The following LRRC69 variants were observed in gnomAD, a reference collection of about 807,000 sequenced individuals.
LRRC69 encodes the protein leucine-rich repeat-containing protein 69.
Under a neutral mutation model 37.8 loss-of-function variants are expected in LRRC69, and 42 were observed. That is an observed-to-expected ratio of 1.11 (90% CI 0.87 to 1.44). LRRC69 has a LOEUF of 1.44. Among genes scored for constraint, LRRC69 ranks in the 40% most tolerant of loss-of-function variants. The pLI is 0.00. For synonymous variants in LRRC69, 141 were observed against 143.1 expected (o/e 0.99, Z 0.11); for missense variants, 357 against 401.9 (o/e 0.89, Z 0.96).
chr8:91,212,966 G>A (rs973333439), intron 7 of LRRC69, among the ~76,000 whole-genome samples: 4 of 151,962 alleles, frequency 2.6e-5, no homozygotes, highest in African/African-American at 7.3e-5. Context: ...TTACCCTTTC[G>A]GAGAACTCTC....
intron 5 of LRRC69, among the ~76,000 whole-genome samples, chr8:91,154,722 C>G (rs1808802257): frequency 6.6e-6 from 1 of 151,688 alleles, no homozygotes; most frequent in African/African-American, 2.4e-5. Flanking sequence ...TGGAACATAT[C>G]TCAAAATAAT....
rs4324887 is a variant in LRRC69, at chr8:91,216,143, G to A, written c.934-2747G>A. ...AGAATAATCACCTTCAAAGTTTCAT[G>A]TTCACTATAAAACTAACAACGGGCA... On this transcript the variant is annotated intron_variant, in intron 7 of 7. Coordinates refer to ENST00000448384, the Ensembl canonical transcript of LRRC69. 0.014 allele frequency among the ~76,000 whole-genome samples: 2,199 copies of A among 152,212 alleles called. 126 individuals are homozygous for A. In the East Asian group the frequency reaches 0.21, roughly 15 times the overall value.
intron 5 of LRRC69, among the ~76,000 whole-genome samples, chr8:91,142,163 AGAT>A (rs1349159638): frequency 6.6e-6 from 1 of 152,022 alleles, no homozygotes; most frequent in African/African-American, 2.4e-5. Flanking sequence ...TTGAAGAAAA[AGAT>A]GACCTGACAA....
chr8:91,190,948 C>T (rs911291876), intron 6 of LRRC69, among the ~76,000 whole-genome samples: 1 of 151,376 alleles, frequency 6.6e-6, no homozygotes, highest in Non-Finnish European at 1.5e-5. Context: ...CTCAGCTACT[C>T]AGGAGGCTTG....
At chr8:91,208,447 A>G (rs1302539642) in intron 7 of LRRC69, among the ~76,000 whole-genome samples, 2 of 152,200 alleles carry the variant, frequency 1.3e-5, no homozygotes, top group Admixed American at 1.3e-4. Flanking sequence ...GCAAATGAGA[A>G]TGAAAAGAAA....
At chr8:91,201,947 T>C (rs1290868358) in intron 7 of LRRC69, among the ~76,000 whole-genome samples, 1 of 152,170 alleles carries the variant, frequency 6.6e-6, no homozygotes, top group Non-Finnish European at 1.5e-5. Context: ...GGCTCACACC[T>C]GTAATCCCAG....
intron 5 of LRRC69, among the ~76,000 whole-genome samples, chr8:91,151,117 C>A (rs1338660232): frequency 6.6e-6 from 1 of 151,618 alleles, no homozygotes; most frequent in Non-Finnish European, 1.5e-5. Flanking sequence ...TTATTTCTTG[C>A]CTTCTGCTAG....
At chr8:91,135,033 G>T (rs1813884980) in intron 4 of LRRC69, among the ~76,000 whole-genome samples, 1 of 152,026 alleles carries the variant, frequency 6.6e-6, no homozygotes, top group South Asian at 2.1e-4. Flanking sequence ...TGCAAGAGTC[G>T]ACAGCAACGG....
chr8:91,154,930 A>G (rs377528488), intron 5 of LRRC69, among the ~76,000 whole-genome samples: 19 of 151,694 alleles, frequency 1.3e-4, no homozygotes, highest in African/African-American at 4.6e-4. Flanking sequence ...AGGAAATCAA[A>G]TTGTCTCTGT....
intron 5 of LRRC69, among the ~76,000 whole-genome samples, chr8:91,145,101 T>G (rs1808595145): frequency 6.6e-6 from 1 of 151,938 alleles, no homozygotes; most frequent in Non-Finnish European, 1.5e-5. Context: ...AAAAATGTCC[T>G]TAAGTGGTCC....
chr8:91,211,855 GT>G (rs935584328), intron 7 of LRRC69, among the ~76,000 whole-genome samples: 5 of 151,832 alleles, frequency 3.3e-5, no homozygotes, highest in Non-Finnish European at 7.4e-5. Flanking sequence ...TGATAAATGG[GT>G]CTTTATTCTC....
chr8:91,166,742 G>C (rs1034333365), intron 5 of LRRC69, among the ~76,000 whole-genome samples: 1 of 151,758 alleles, frequency 6.6e-6, no homozygotes, highest in Non-Finnish European at 1.5e-5. Flanking sequence ...CTATTTTAGA[G>C]TGCAAGTTCC....
At chr8:91,210,562 G>GACACACACACACACACACACAC (rs35968986) in intron 7 of LRRC69, among the ~76,000 whole-genome samples, 9 of 146,100 alleles carry the variant, frequency 6.2e-5, no homozygotes, top group African/African-American at 2.0e-4. Context: ...CACACACACA[G>GACACACACACACACACACACAC]ACACACACAC....
chr8:91,150,968 T>C (rs1192419404), intron 5 of LRRC69, among the ~76,000 whole-genome samples: 1 of 151,986 alleles, frequency 6.6e-6, no homozygotes, highest in Non-Finnish European at 1.5e-5. Flanking sequence ...TGTTTCATTC[T>C]TCTCTCTTTT....
rs192633971 is a variant in LRRC69 at position 91,160,137 on chromosome 8, C to A, written c.651+24398C>A. Among the ~76,000 whole-genome samples the A allele has an allele frequency of 2.0e-5, 3 of 150,872 alleles. No individual in the cohort carries two copies. The East Asian group carries it at 5.9e-4, about 30-fold the overall frequency. ...TAAATTTATTTTTAGCTTTAAAAAT[C>A]TTTTGTAGCTACTGTAAATGGGATA... On this transcript the variant is annotated intron_variant, in intron 5 of 7. Transcript: ENST00000448384.
At chr8:91,175,866 C>T (rs536556003) in intron 5 of LRRC69, among the ~76,000 whole-genome samples, 68 of 150,884 alleles carry the variant, frequency 4.5e-4, no homozygotes, top group Admixed American at 3.6e-3. Context: ...CTTTAAAGGA[C>T]TACTTTAGAT....
At chr8:91,186,733 T>A (rs1268367979) in intron 5 of LRRC69, among the ~76,000 whole-genome samples, 2 of 152,072 alleles carry the variant, frequency 1.3e-5, no homozygotes, top group Non-Finnish European at 2.9e-5. Context: ...ACAACTCACA[T>A]AAGACAAAGG....
chr8:91,102,774 G>T (rs555727884), exon 1 of LRRC69: 20 of 1,551,902 alleles, frequency 1.3e-5, no homozygotes, highest in Non-Finnish European at 1.6e-5. Context: ...AAACTGCCTG[G>T]CCTGAAGACT....
At chr8:91,169,533 T>C in intron 5 of LRRC69, among the ~76,000 whole-genome samples, 1 of 149,060 alleles carries the variant, frequency 6.7e-6, no homozygotes, top group East Asian at 2.0e-4. Context: ...ATTTTTTTTT[T>C]ATTATACCTT....
Sources: gnomAD v4.1 joint callset for allele counts (sites outside exome capture counted in the v4.1 genomes callset) on GRCh38, gnomAD v4.1.1 for gene constraint, MANE v1.5 for transcripts, NCBI Gene and HGNC (gene_info 2026-07-23, HGNC 2026-07-21) for gene names.